Variants in BRINP3 observed in about 807,000 individuals in gnomAD.
BRINP3 encodes the protein BMP/retinoic acid inducible neural specific 3.
Under a neutral mutation model 71.0 loss-of-function variants are expected in BRINP3, and 19 were observed. The ratio of observed to expected loss-of-function variants is 0.27; its 90% confidence interval spans 0.19 to 0.39. BRINP3 has a LOEUF of 0.39. Ranked by LOEUF, BRINP3 falls within the 10% of genes least tolerant of loss-of-function variation. The pLI is 1.00. For synonymous variants in BRINP3, 380 were observed against 337.7 expected, an observed-to-expected ratio of 1.13 and a Z score of -1.37; for missense variants, 959 against 940.8, an observed-to-expected ratio of 1.02 and a Z score of -0.25.
chr1:190,160,021 AT>A (rs1657211249), intron 7 of BRINP3, among the ~76,000 whole-genome samples: 1 of 152,002 alleles, frequency 6.6e-6, no homozygotes, highest in African/African-American at 2.4e-5. Flanking sequence ...ATAGTGTCCT[AT>A]ATTTTCCCGT....
At chr1:190,325,355 C>A (rs978899006) in intron 2 of BRINP3, among the ~76,000 whole-genome samples, 1 of 151,832 alleles carries the variant, frequency 6.6e-6, no homozygotes, top group Non-Finnish European at 1.5e-5. Flanking sequence ...AATATCGCTG[C>A]CTATACTAGT....
intron 7 of BRINP3, among the ~76,000 whole-genome samples, chr1:190,143,904 C>A (rs1655665930): frequency 6.6e-6 from 1 of 152,086 alleles, no homozygotes; most frequent in Non-Finnish European, 1.5e-5. Flanking sequence ...TAGCCATGAC[C>A]ATTTATAATT....
chr1:190,423,930 A>T (rs1673539647), intron 2 of BRINP3, among the ~76,000 whole-genome samples: 1 of 151,776 alleles, frequency 6.6e-6, no homozygotes, highest in South Asian at 2.1e-4. Context: ...ATGTTAACCT[A>T]GTTTCAGACT....
chr1:190,457,934 C>A (rs1676114828), intron 1 of BRINP3, among the ~76,000 whole-genome samples: 1 of 148,634 alleles, frequency 6.7e-6, no homozygotes, highest in Non-Finnish European at 1.5e-5. Flanking sequence ...AAAAAAAAAA[C>A]TATATTGTGT....
At chr1:190,473,329 A>G (rs1039603473) in intron 1 of BRINP3, among the ~76,000 whole-genome samples, 2 of 152,050 alleles carry the variant, frequency 1.3e-5, no homozygotes, top group African/African-American at 4.8e-5. Context: ...TTGCAATTTT[A>G]CAACCCAAAG....
At position 190,099,109 on chromosome 1, in the gene BRINP3, T is replaced by G. The variant is rs1388916842; in HGVS notation, c.1210A>C (p.Ile404Leu). ...TCATTGCAGTAGAGAAAAGACTGGATGCGAGTAAGCCAGTAGGTTGAGGTT... is the reference window on the plus strand; with the variant it reads ...TCATTGCAGTAGAGAAAAGACTGGAGGCGAGTAAGCCAGTAGGTTGAGGTT... ...QRTSTYWLTR[I>L]QSFLYCNENG... Residue 404 changes from isoleucine to leucine, a missense_variant, in exon 8 of 8, where the codon ATC becomes CTC. Coordinates refer to ENST00000367462, the MANE Select transcript of BRINP3 (RefSeq NM_199051.3). 2 of 1,614,000 alleles carry G rather than the reference T, an allele frequency of 1.2e-6. No individual in the cohort carries two copies. The highest frequency in any genetic ancestry group is 1.7e-6 in the Non-Finnish European group (2 of 1,179,936).
At position 190,444,239 on chromosome 1, in the gene BRINP3, CAAAAAAAAAAAAAA is replaced by C. The variant is rs764014934; in HGVS notation, c.236+10402_236+10415del. 3.0e-4 allele frequency among the ~76,000 whole-genome samples: 17 copies of C among 56,320 alleles called. 1 individual carries two copies. The highest frequency in any genetic ancestry group is 7.2e-4 in the East Asian group (1 of 1,392). 36.9% of individuals were successfully genotyped at this position (56,320 alleles called of 152,430 possible). A position where few individuals can be genotyped will look rare whatever the true frequency, so the allele number is the denominator to read the frequency against. Reference sequence around the variant, plus strand: ...GGGCAACAAGAGCAAAACTCCGTCTCAAAAAAAAAAAAAAAAAAAAAAAAAAAAAAAATCCCTTT... The same window carrying C: ...GGGCAACAAGAGCAAAACTCCGTCTCAAAAAAAAAAAAAAAAAATCCCTTT... On this transcript the variant is annotated intron_variant, in intron 2 of 7. Transcript: ENST00000367462.
chr1:190,103,002 T>C (rs188766440), intron 7 of BRINP3, among the ~76,000 whole-genome samples: 9 of 152,186 alleles, frequency 5.9e-5, no homozygotes, highest in Admixed American at 1.3e-4. Context: ...TAGTCATCTT[T>C]GTTCAACCTA....
At chr1:190,428,294 A>T (rs1359148528) in intron 2 of BRINP3, among the ~76,000 whole-genome samples, 1 of 152,072 alleles carries the variant, frequency 6.6e-6, no homozygotes, top group Non-Finnish European at 1.5e-5. Flanking sequence ...TAATTTGTTA[A>T]CAGCAACAAT....
chr1:190,288,081 C>G (rs932569667), intron 2 of BRINP3, among the ~76,000 whole-genome samples: 1 of 151,912 alleles, frequency 6.6e-6, no homozygotes, highest in Non-Finnish European at 1.5e-5. Context: ...ATGATCTTCT[C>G]ATTTGAATAA....
chr1:190,453,201 G>GTTTTTTTTT lies in BRINP3; in HGVS notation c.236+1453_236+1454insAAAAAAAAA, dbSNP rs745819844. The stretch of plus-strand genomic sequence containing the variant: ...CTACTTTTCAGAAAGAAAAACTTTA[G>GTTTTTTTTT]TATTTTTTTTTTTTTTTTTTTTTTT... On this transcript the variant is annotated intron_variant, in intron 2 of 7. Transcript: ENST00000367462. Among the ~76,000 whole-genome samples, 85 of 37,864 alleles carry GTTTTTTTTT rather than the reference G, an allele frequency of 2.2e-3. 2 individuals are homozygous for GTTTTTTTTT. Among genetic ancestry groups the GTTTTTTTTT allele is most frequent in the Non-Finnish European group, 4.5e-3 (74 of 16,424 alleles). The allele number at this position is 37,864 out of a possible 152,430, so 24.8% of individuals were successfully genotyped here. A position where few individuals can be genotyped will look rare whatever the true frequency, so the allele number is the denominator to read the frequency against.
chr1:190,443,177 G>C (rs969859288), intron 2 of BRINP3, among the ~76,000 whole-genome samples: 41 of 152,040 alleles, frequency 2.7e-4, no homozygotes, highest in South Asian at 1.0e-3. Context: ...GGGATTATGG[G>C]CGTGAGCCAC....
intron 2 of BRINP3, among the ~76,000 whole-genome samples, chr1:190,303,832 C>T (rs1406506808): frequency 6.6e-6 from 1 of 151,696 alleles, no homozygotes; most frequent in Non-Finnish European, 1.5e-5. Flanking sequence ...CTTCTAATTA[C>T]AGGGTTAGAT....
intron 2 of BRINP3, among the ~76,000 whole-genome samples, chr1:190,355,068 C>A (rs923411602): frequency 5.9e-5 from 9 of 151,762 alleles, no homozygotes; most frequent in Non-Finnish European, 1.2e-4. Flanking sequence ...ACTCAGGAAT[C>A]CCTTAAATCA....
At chr1:190,468,187 T>C (rs1284573933) in intron 1 of BRINP3, among the ~76,000 whole-genome samples, 3 of 151,338 alleles carry the variant, frequency 2.0e-5, no homozygotes, top group African/African-American at 7.3e-5. Context: ...ATCTAAAATA[T>C]AGGAAAGCAT....
At chr1:190,271,123 T>G (rs1183498457) in intron 3 of BRINP3, among the ~76,000 whole-genome samples, 1 of 151,614 alleles carries the variant, frequency 6.6e-6, no homozygotes, top group Non-Finnish European at 1.5e-5. Context: ...ACTGAAGGTG[T>G]TGCAACATTA....
intron 2 of BRINP3, among the ~76,000 whole-genome samples, chr1:190,305,276 A>AGT (rs1665015348): frequency 6.6e-6 from 1 of 151,864 alleles, no homozygotes; most frequent in African/African-American, 2.4e-5. Flanking sequence ...AAATGAAATC[A>AGT]GTGTGTGGGA....
chr1:190,227,619 T>TA lies in BRINP3; in HGVS notation c.725-1302dup, dbSNP rs576124761. 1.5e-4 allele frequency among the ~76,000 whole-genome samples: 23 copies of TA among 151,922 alleles called. No individual in the cohort carries two copies. In the East Asian group the frequency reaches 1.9e-3, roughly 13 times the overall value. Reference sequence around the variant, plus strand: ...AACAATTATATTAAGTTCACAAAAGTAAAAAAACTTTTTATTAAAAAGTTA... The same window carrying TA: ...AACAATTATATTAAGTTCACAAAAGTAAAAAAAACTTTTTATTAAAAAGTTA... On this transcript the variant is annotated intron_variant, in intron 5 of 7. Coordinates refer to ENST00000367462, the MANE Select transcript of BRINP3 (RefSeq NM_199051.3).
intron 2 of BRINP3, among the ~76,000 whole-genome samples, chr1:190,318,225 T>G (rs1666015198): frequency 6.6e-6 from 1 of 152,116 alleles, no homozygotes; most frequent in African/African-American, 2.4e-5. Context: ...TTCCTAAGAA[T>G]AGTCTCATTT....
Sources: gnomAD v4.1 joint callset for allele counts (sites outside exome capture counted in the v4.1 genomes callset) on GRCh38, gnomAD v4.1.1 for gene constraint, MANE v1.5 for transcripts, NCBI Gene and HGNC (gene_info 2026-07-23, HGNC 2026-07-21) for gene names.